Variants in TMEM132D observed in about 807,000 individuals in gnomAD.
TMEM132D encodes mature OL transmembrane protein.
In TMEM132D, 21 loss-of-function variants were observed where a neutral mutation model predicts 62.3. The ratio of observed to expected loss-of-function variants is 0.34; its 90% confidence interval spans 0.24 to 0.49. The LOEUF (loss-of-function observed/expected upper bound fraction) is 0.49, where lower values mean the gene tolerates loss of function less well. TMEM132D is among the 20% of genes least tolerant of loss of function. The probability of loss-of-function intolerance (pLI) is 0.99; values close to 1 mark genes in which losing one functional copy is unlikely to be tolerated. For synonymous variants in TMEM132D, 621 were observed against 575.6 expected (o/e 1.08, Z -1.13); for missense variants, 1,346 against 1,402.8 (o/e 0.96, Z 0.65).
intron 1 of TMEM132D, among the ~76,000 whole-genome samples, chr12:129,723,472 T>A (rs550542194): frequency 6.6e-6 from 1 of 152,302 alleles, no homozygotes; most frequent in East Asian, 1.9e-4. Flanking sequence ...GTGTGGCCAA[T>A]GAGAGGAACC....
chr12:129,513,426 T>G lies in TMEM132D; in HGVS notation c.1115+17633A>C, dbSNP rs557537028. ...CACTGCCATAATGGGGACCAATTTT[T>G]TTTTAATTGACCTGGAAAGATGTTC... On this transcript the variant is annotated intron_variant, in intron 3 of 8. Coordinates refer to ENST00000422113, the MANE Select transcript of TMEM132D (RefSeq NM_133448.3). Among the ~76,000 whole-genome samples the G allele has an allele frequency of 2.0e-5, 3 of 152,270 alleles. No homozygotes were observed. The East Asian group carries it at 5.8e-4, about 29-fold the overall frequency.
chr12:129,483,327 C>T (rs549144650), intron 3 of TMEM132D, among the ~76,000 whole-genome samples: 1 of 152,132 alleles, frequency 6.6e-6, no homozygotes, highest in African/African-American at 2.4e-5. Flanking sequence ...ACGCTTGGGC[C>T]CCATCCCAGA....
intron 1 of TMEM132D, among the ~76,000 whole-genome samples, chr12:129,902,414 G>A (rs1388129275): frequency 6.6e-6 from 1 of 152,224 alleles, no homozygotes; most frequent in African/African-American, 2.4e-5. Context: ...AGCAGCCCAG[G>A]TCAATCATGA....
intron 4 of TMEM132D, among the ~76,000 whole-genome samples, chr12:129,290,480 C>T (rs571596856): frequency 1.3e-5 from 2 of 152,266 alleles, no homozygotes; most frequent in African/African-American, 4.8e-5. Context: ...ATGCATAGAT[C>T]TCAAGAATTA....
At chr12:129,291,438 T>C (rs1458852943) in intron 4 of TMEM132D, among the ~76,000 whole-genome samples, 1 of 152,214 alleles carries the variant, frequency 6.6e-6, no homozygotes, top group African/African-American at 2.4e-5. Context: ...ATTGCAACTC[T>C]CCTGTTTTCT....
chr12:129,616,836 A>G (rs1878929958), intron 2 of TMEM132D, among the ~76,000 whole-genome samples: 1 of 152,184 alleles, frequency 6.6e-6, no homozygotes, highest in South Asian at 2.1e-4. Flanking sequence ...TAACACAATT[A>G]TGTGCATTGT....
At chr12:129,437,058 T>C (rs768840516) in intron 3 of TMEM132D, among the ~76,000 whole-genome samples, 40 of 152,310 alleles carry the variant, frequency 2.6e-4, no homozygotes, top group African/African-American at 9.4e-4. Context: ...TGGATTTAAG[T>C]TGGGGACATG....
chr12:129,676,140 A>G (rs1565945219), intron 2 of TMEM132D, among the ~76,000 whole-genome samples: 1 of 152,204 alleles, frequency 6.6e-6, no homozygotes. Context: ...TGGCCAAAGC[A>G]CAAAGGAGGC....
intron 3 of TMEM132D, among the ~76,000 whole-genome samples, chr12:129,400,329 T>C (rs1871582820): frequency 6.6e-6 from 1 of 152,184 alleles, no homozygotes; most frequent in Non-Finnish European, 1.5e-5. Context: ...GGCAAACCTG[T>C]AGCCTGCCAG....
intron 2 of TMEM132D, among the ~76,000 whole-genome samples, chr12:129,604,116 T>A (rs1302985441): frequency 6.6e-6 from 1 of 151,840 alleles, no homozygotes; most frequent in Non-Finnish European, 1.5e-5. Context: ...AGTTGAACAA[T>A]GAGAACACAT....
chr12:129,623,473 CTA>C (rs1365378489), intron 2 of TMEM132D, among the ~76,000 whole-genome samples: 1 of 152,020 alleles, frequency 6.6e-6, no homozygotes. Flanking sequence ...ATACCACTCT[CTA>C]TGACTTTGCA....
intron 3 of TMEM132D, among the ~76,000 whole-genome samples, chr12:129,472,609 C>T (rs1874125369): frequency 6.6e-6 from 1 of 151,982 alleles, no homozygotes; most frequent in Non-Finnish European, 1.5e-5. Context: ...AACAAACAAA[C>T]AAAAAACAAC....
At chr12:129,118,220 A>T (rs1875952988) in intron 5 of TMEM132D, among the ~76,000 whole-genome samples, 1 of 152,214 alleles carries the variant, frequency 6.6e-6, no homozygotes, top group Non-Finnish European at 1.5e-5. Context: ...TCAAAACCAT[A>T]CTTTTGACAA....
chr12:129,371,523 TATG>T lies in TMEM132D; in HGVS notation c.1116-33709_1116-33707del, dbSNP rs529107270. On this transcript the variant is annotated intron_variant, in intron 3 of 8. Coordinates refer to ENST00000422113, the MANE Select transcript of TMEM132D (RefSeq NM_133448.3). This position sits in a 1 kb window ranked among gnomAD's most constrained non-coding sequence, Gnocchi z 4.3. The stretch of plus-strand genomic sequence containing the variant: ...CAGTGGCAATGATAATGGTGGTGAT[TATG>T]ATGATGATTATGATGATGATGATGA... 5.8e-4 allele frequency among the ~76,000 whole-genome samples: 88 copies of T among 151,398 alleles called. No individual in the cohort carries two copies. The South Asian group carries it at 0.014, about 24-fold the overall frequency.
chr12:129,263,282 C>T (rs1880599426), intron 4 of TMEM132D, among the ~76,000 whole-genome samples: 1 of 152,122 alleles, frequency 6.6e-6, no homozygotes, highest in African/African-American at 2.4e-5. Context: ...GTTCAAATGA[C>T]CCAACTTGGG....
At chr12:129,111,834 G>A (rs1183712880) in intron 5 of TMEM132D, among the ~76,000 whole-genome samples, 1 of 152,096 alleles carries the variant, frequency 6.6e-6, no homozygotes, top group Non-Finnish European at 1.5e-5. Context: ...CGTGCATTTC[G>A]AACACAACCT....
chr12:129,189,650 C>T (rs1476397492), intron 5 of TMEM132D, among the ~76,000 whole-genome samples: 1 of 152,138 alleles, frequency 6.6e-6, no homozygotes, highest in African/African-American at 2.4e-5. Flanking sequence ...ATTTCCCTCT[C>T]CCATTTTGTC....
rs114605860 is a variant in TMEM132D, at chr12:129,457,618, T to C, written c.1115+73441A>G. Among the ~76,000 whole-genome samples, 1,214 of 152,168 alleles carry C rather than the reference T, an allele frequency of 8.0e-3. 6 individuals carry two copies. Among genetic ancestry groups the C allele is most frequent in the South Asian group, 0.017 (80 of 4,820 alleles). ...ATAATAATAAAGAAAAAAGGTTTAATTGACTCACAGTTCCACAGGCCATAT... is the reference window on the plus strand; with the variant it reads ...ATAATAATAAAGAAAAAAGGTTTAACTGACTCACAGTTCCACAGGCCATAT... On this transcript the variant is annotated intron_variant, in intron 3 of 8. Coordinates refer to ENST00000422113, the MANE Select transcript of TMEM132D (RefSeq NM_133448.3).
At chr12:129,666,854 G>T (rs944892429) in intron 2 of TMEM132D, among the ~76,000 whole-genome samples, 4 of 152,120 alleles carry the variant, frequency 2.6e-5, no homozygotes, top group African/African-American at 9.7e-5. Context: ...TTTGGTAAAA[G>T]ATAATAAGAA....
Sources: gnomAD v4.1 joint callset for allele counts (sites outside exome capture counted in the v4.1 genomes callset) on GRCh38, gnomAD v4.1.1 for gene constraint, Gnocchi (gnomAD v3.1) non-coding constraint, MANE v1.5 for transcripts, NCBI Gene and HGNC (gene_info 2026-07-23, HGNC 2026-07-21) for gene names.